The following PINX1 variants were observed in gnomAD, a reference collection of about 807,000 sequenced individuals.
The protein encoded by PINX1 is PIN2/TERF1-interacting telomerase inhibitor 1.
Under a neutral mutation model 25.4 loss-of-function variants are expected in PINX1, and 34 were observed. The ratio of observed to expected loss-of-function variants is 1.34; its 90% confidence interval spans 1.02 to 1.78. The LOEUF is 1.78. PINX1 is among the 40% of genes most tolerant of loss of function. The pLI is 0.00. For missense variants in PINX1, 592 were observed against 404.9 expected (o/e 1.46, Z -3.97); for synonymous variants, 197 against 147.7 (o/e 1.33, Z -2.42).
intron 6 of PINX1, among the ~76,000 whole-genome samples, chr8:10,802,001 C>T (rs999313684): frequency 1.3e-5 from 2 of 152,126 alleles, no homozygotes; most frequent in Non-Finnish European, 1.5e-5. Context: ...GCAGAAGATG[C>T]AATGCATGCC....
intron 1 of PINX1, among the ~76,000 whole-genome samples, chr8:10,838,927 T>A (rs530739292): frequency 3.3e-5 from 5 of 152,336 alleles, no homozygotes; most frequent in African/African-American, 1.2e-4. Context: ...AAGAGAGTGC[T>A]AACAGCACTT....
intron 1 of PINX1, among the ~76,000 whole-genome samples, chr8:10,839,504 G>C (rs1368862998): frequency 6.6e-6 from 1 of 152,216 alleles, no homozygotes; most frequent in Non-Finnish European, 1.5e-5. Context: ...GTGATTCTGA[G>C]AACGGCGTCT....
intron 6 of PINX1, among the ~76,000 whole-genome samples, chr8:10,790,426 G>A (rs1230330064): frequency 1.3e-5 from 2 of 152,108 alleles, no homozygotes; most frequent in African/African-American, 2.4e-5. Context: ...GCAAGCCAGG[G>A]GGAGGAAGCA....
At chr8:10,827,689 G>A (rs1280919808) in intron 4 of PINX1, among the ~76,000 whole-genome samples, 3 of 151,646 alleles carry the variant, frequency 2.0e-5, no homozygotes, top group Admixed American at 6.6e-5. Flanking sequence ...GGCAGATCAT[G>A]AGGTCAGGAG....
chr8:10,839,713 T>C, intron 1 of PINX1, 25 bp downstream of exon 1: 1 of 1,598,654 alleles, frequency 6.3e-7, no homozygotes, highest in Non-Finnish European at 8.5e-7. Flanking sequence ...CGCGCCTGGG[T>C]CGGGCCTCCG....
chr8:10,809,647 A>G (rs765285088), intron 6 of PINX1, among the ~76,000 whole-genome samples: 1 of 152,214 alleles, frequency 6.6e-6, no homozygotes, highest in Non-Finnish European at 1.5e-5. Flanking sequence ...AACACAAAGA[A>G]GTGAAGTTCA....
In PINX1 at chr8:10,804,924, A is replaced by G. The variant is rs527584498; in HGVS notation, c.471+15269T>C. 3.1e-4 allele frequency among the ~76,000 whole-genome samples: 47 copies of G among 151,848 alleles called. No homozygotes were observed. The South Asian group carries it at 5.7e-3, about 18-fold the overall frequency. On this transcript the variant is annotated intron_variant, in intron 6 of 6. Coordinates refer to ENST00000314787, the MANE Select transcript of PINX1 (RefSeq NM_017884.6). ...AAGTGACCCTGCCTATACTTTAATC[A>G]AAAACTCAAGAAGGACCCCCGAGAA...
At chr8:10,838,016 G>A (rs1001086132) in intron 1 of PINX1, among the ~76,000 whole-genome samples, 1 of 152,164 alleles carries the variant, frequency 6.6e-6, no homozygotes, top group Admixed American at 6.5e-5. Flanking sequence ...TCAATCACAG[G>A]CAGCCATCTG....
chr8:10,819,473 T>C (rs1797800114), intron 6 of PINX1, among the ~76,000 whole-genome samples: 1 of 152,354 alleles, frequency 6.6e-6, no homozygotes, highest in Non-Finnish European at 1.5e-5. Context: ...ATGCCAGTTC[T>C]AAATACTTTT....
chr8:10,793,167 G>C (rs1313818432), intron 6 of PINX1, among the ~76,000 whole-genome samples: 1 of 152,172 alleles, frequency 6.6e-6, no homozygotes, highest in Non-Finnish European at 1.5e-5. Flanking sequence ...GTGTAAGCTT[G>C]AAGAGCTCCT....
At chr8:10,835,160 C>A (rs370164220) in intron 1 of PINX1, among the ~76,000 whole-genome samples, 3 of 152,214 alleles carry the variant, frequency 2.0e-5, no homozygotes, top group East Asian at 3.8e-4. Context: ...GCTTCCATTG[C>A]CATGCGTTAC....
At chr8:10,820,126 G>C (rs1054888161) in intron 6 of PINX1, 67 bp downstream of exon 6, 2 of 999,374 alleles carry the variant, frequency 2.0e-6, no homozygotes, top group Non-Finnish European at 1.6e-6. Flanking sequence ...GATAGAAACA[G>C]TCCTATACAC....
At chr8:10,839,657 C>A in intron 1 of PINX1, 81 bp downstream of exon 1, 1 of 1,452,436 alleles carries the variant, frequency 6.9e-7, no homozygotes, top group Non-Finnish European at 9.5e-7. Context: ...ACCCGAGCTC[C>A]CAGCCACTCC....
chr8:10,787,700 G>A (rs568200723), intron 6 of PINX1: 3 of 401,780 alleles, frequency 7.5e-6, no homozygotes, highest in Non-Finnish European at 1.5e-5. Context: ...TGTGGTTAAA[G>A]TGAGTCAGTG....
intron 5 of PINX1, chr8:10,822,223 T>C (rs1490883225): frequency 1.3e-5 from 2 of 152,172 alleles, no homozygotes; most frequent in Admixed American, 1.3e-4. Context: ...GACCTTGAGA[T>C]AGTTACTAAT....
chr8:10,814,035 C>T (rs1016574305), intron 6 of PINX1, among the ~76,000 whole-genome samples: 1 of 152,152 alleles, frequency 6.6e-6, no homozygotes, highest in African/African-American at 2.4e-5. Flanking sequence ...ACACAGGCCC[C>T]GGCAGGCACC....
intron 6 of PINX1, among the ~76,000 whole-genome samples, chr8:10,776,816 C>T (rs1801412302): frequency 1.3e-5 from 2 of 152,192 alleles, no homozygotes; most frequent in Admixed American, 1.3e-4. Flanking sequence ...GCTGGAGACG[C>T]AGAGCTTTGC....
At position 10,765,799 on chromosome 8, in the gene PINX1, C is replaced by A. The variant is rs200391896; in HGVS notation, c.589G>T (p.Val197Phe). ...GTCTCAGAAATGTCAGACCCTGGAA[C>A]TGGAACCTGGGGCTTGTTCTTCAGT... ...AALKNKPQVP[V>F]PGSDISETQV... The change falls in exon 7 of 7, where the codon GTT (valine) becomes TTT (phenylalanine). Residue 197 changes from valine to phenylalanine, a missense_variant. Coordinates refer to ENST00000314787, the MANE Select transcript of PINX1 (RefSeq NM_017884.6). The A allele has an allele frequency of 3.9e-5, 63 of 1,613,994 alleles. No individual in the cohort carries two copies. In the East Asian group the frequency reaches 7.8e-4, roughly 20 times the overall value.
chr8:10,826,682 C>T (rs759916992), intron 4 of PINX1, among the ~76,000 whole-genome samples: 3 of 152,206 alleles, frequency 2.0e-5, no homozygotes, highest in African/African-American at 4.8e-5. Context: ...TAAAGAGCGG[C>T]GGCCGCTGCC....
Sources: gnomAD v4.1 joint callset for allele counts (sites outside exome capture counted in the v4.1 genomes callset) on GRCh38, gnomAD v4.1.1 for gene constraint, MANE v1.5 for transcripts, NCBI Gene and HGNC (gene_info 2026-07-23, HGNC 2026-07-21) for gene names.